The following SERINC3 variants were observed in gnomAD, a reference collection of about 807,000 sequenced individuals.
SERINC3 encodes the protein tumor differentially expressed protein 1.
A neutral mutation model predicts 52.1 loss-of-function variants in SERINC3; 22 were observed. That is an observed-to-expected ratio of 0.42 (90% CI 0.30 to 0.60). SERINC3 has a LOEUF of 0.60. Among genes scored for constraint, SERINC3 ranks in the 20% least tolerant of loss-of-function variants. The probability of loss-of-function intolerance (pLI) is 0.16; values close to 1 mark genes in which losing one functional copy is unlikely to be tolerated. For missense variants in SERINC3, 564 were observed against 584.6 expected, an observed-to-expected ratio of 0.96 and a Z score of 0.36; for synonymous variants, 226 against 212.7, an observed-to-expected ratio of 1.06 and a Z score of -0.54.
At chr20:44,518,116 A>T (rs551489287) in intron 1 of SERINC3, among the ~76,000 whole-genome samples, 20 of 152,172 alleles carry the variant, frequency 1.3e-4, no homozygotes, top group South Asian at 8.3e-4. Flanking sequence ...ATCATCTCTC[A>T]TCTGGATTAA....
chr20:44,508,636 G>T lies in SERINC3; in HGVS notation c.613+1255C>A, dbSNP rs187905521. On this transcript the variant is annotated intron_variant, in intron 5 of 9. Coordinates refer to ENST00000342374, the MANE Select transcript of SERINC3 (RefSeq NM_006811.4). ...GGAATTGTATGGAATGGAATACCAT[G>T]CAGCTTACAGTAAACTCCATGCCAG... Among the ~76,000 whole-genome samples, 6 of 152,336 alleles carry T rather than the reference G, an allele frequency of 3.9e-5. No individual in the cohort carries two copies. The East Asian group carries it at 1.2e-3, about 29-fold the overall frequency.
Position 44,509,889 on chromosome 20 carries a change from AC to A in SERINC3, c.613+1del. 5.6e-6 allele frequency: 9 copies of A among 1,614,074 alleles called. No homozygotes were observed. Among genetic ancestry groups the A allele is most frequent in the Non-Finnish European group, 7.6e-6 (9 of 1,179,938 alleles). On this transcript the variant is annotated splice_donor_variant, in intron 5 of 9. Coordinates refer to ENST00000342374, the MANE Select transcript of SERINC3 (RefSeq NM_006811.4). LOFTEE classifies it high-confidence loss of function. ...CTAACATAGGTGAGTAGAGATACCT[AC>A]CAGCATACCACAACCTTGGGTTTCC...
At chr20:44,511,199 C>T in intron 4 of SERINC3, 90 bp downstream of exon 4, 1 of 916,992 alleles carries the variant, frequency 1.1e-6, no homozygotes, top group Non-Finnish European at 1.7e-6. Flanking sequence ...CAGGTGTGAG[C>T]CACTGCACCC....
chr20:44,511,509 A>C lies in SERINC3; in HGVS notation c.396-141T>G, dbSNP rs1346722283. The C allele has an allele frequency of 4.9e-6, 3 of 609,972 alleles. No individual in the cohort carries two copies. In the African/African-American group the frequency reaches 5.6e-5, roughly 11 times the overall value. The allele number at this position is 609,972 out of a possible 1,614,324, so 37.8% of individuals were successfully genotyped here. A position where few individuals can be genotyped will look rare whatever the true frequency, so the allele number is the denominator to read the frequency against. On this transcript the variant is annotated intron_variant, in intron 3 of 9. Coordinates refer to ENST00000342374, the MANE Select transcript of SERINC3 (RefSeq NM_006811.4). ...TCTGGACTATTTTCTTCATTTGACT[A>C]TTCATTTAATAGGCTAATTCATTTA... is the stretch of plus-strand genomic sequence containing the variant.
rs753296299 is a variant in SERINC3 at position 44,522,001 on chromosome 20, G to A, written c.-50C>T. 3 of 1,558,802 alleles carry A rather than the reference G, an allele frequency of 1.9e-6. No homozygotes were observed. Among genetic ancestry groups the A allele is most frequent in the African/African-American group, 1.4e-5 (1 of 73,724 alleles). ...CGGTCCTGAGGCTGCTTTCTAACAC[G>A]GTGGTAACTGCCAGCTGAGGTGACT... On this transcript the variant is annotated 5_prime_UTR_variant, in exon 1 of 10. Coordinates refer to ENST00000342374, the MANE Select transcript of SERINC3 (RefSeq NM_006811.4).
At chr20:44,512,452 T>C (rs1304200047) in intron 3 of SERINC3, among the ~76,000 whole-genome samples, 1 of 152,202 alleles carries the variant, frequency 6.6e-6, no homozygotes, top group East Asian at 1.9e-4. Flanking sequence ...TGTTTAAATT[T>C]ATCAGGTACA....
At chr20:44,521,713 C>A (rs1164545646) in intron 1 of SERINC3, among the ~76,000 whole-genome samples, 200 bp downstream of exon 1, 1 of 152,230 alleles carries the variant, frequency 6.6e-6, no homozygotes, top group Non-Finnish European at 1.5e-5. Flanking sequence ...TCTTCCGTTC[C>A]CCGAGGAACC....
intron 1 of SERINC3, among the ~76,000 whole-genome samples, chr20:44,520,564 G>T (rs915467411): frequency 6.6e-5 from 10 of 152,096 alleles, no homozygotes; most frequent in African/African-American, 2.2e-4. Context: ...TGGGAACACA[G>T]ACACGAAGAT....
intron 1 of SERINC3, among the ~76,000 whole-genome samples, chr20:44,514,335 A>C (rs1049153657): frequency 2.0e-5 from 3 of 152,208 alleles, no homozygotes; most frequent in Non-Finnish European, 4.4e-5. Context: ...CACTACCTAA[A>C]ATGCATTAAC....
At chr20:44,508,070 T>C (rs1292175374) in intron 5 of SERINC3, among the ~76,000 whole-genome samples, 1 of 152,228 alleles carries the variant, frequency 6.6e-6, no homozygotes, top group Non-Finnish European at 1.5e-5. Context: ...ATTAAGTTAC[T>C]AGCACACTTA....
At chr20:44,503,502 G>C (rs573602269) in intron 8 of SERINC3, among the ~76,000 whole-genome samples, 21 of 152,218 alleles carry the variant, frequency 1.4e-4, no homozygotes, top group African/African-American at 4.6e-4. Flanking sequence ...ACAAAAATTA[G>C]CCAGGCATAG....
At chr20:44,513,783 C>G (rs1432155344) in intron 2 of SERINC3, 96 bp downstream of exon 2, 2 of 1,119,890 alleles carry the variant, frequency 1.8e-6, no homozygotes, top group Admixed American at 6.0e-5. Context: ...CTCCAAATTA[C>G]AACCAACTTG....
rs544687023 is a variant in SERINC3, at chr20:44,504,746, G to A, written c.874+55C>T. 21 of 1,422,748 alleles carry A rather than the reference G, an allele frequency of 1.5e-5. No individual in the cohort carries two copies. In the South Asian group the frequency reaches 2.4e-4, roughly 17 times the overall value. 88.1% of individuals were successfully genotyped at this position (1,422,748 alleles called of 1,614,324 possible). A position where few individuals can be genotyped will look rare whatever the true frequency, so the allele number is the denominator to read the frequency against. On this transcript the variant is annotated intron_variant, in intron 7 of 9. Transcript: ENST00000342374. ...CTAGTTTTTGTACCAACTATGTAAA[G>A]GCTGATTTCCTACTTTCTTTTTATC...
At position 44,502,050 on chromosome 20, in the gene SERINC3, TC is replaced by T. The variant is rs1015022160; in HGVS notation, c.1056-751del. Among the ~76,000 whole-genome samples the T allele has an allele frequency of 2.2e-4, 33 of 151,978 alleles. 1 individual carries two copies. Among genetic ancestry groups the T allele is most frequent in the African/African-American group, 7.5e-4 (31 of 41,356 alleles). On this transcript the variant is annotated intron_variant, in intron 8 of 9. Coordinates refer to ENST00000342374, the MANE Select transcript of SERINC3 (RefSeq NM_006811.4). ...CTTAACAGTGAAAGACTAAAAACTT[TC>T]CCCCTGAGATCAGGAACAAGACAAG...
chr20:44,506,175 C>T (rs1435255984), intron 6 of SERINC3, among the ~76,000 whole-genome samples: 2 of 150,718 alleles, frequency 1.3e-5, no homozygotes, highest in Non-Finnish European at 3.0e-5. Flanking sequence ...GTGGCAGGCG[C>T]CTGGCCAAGG....
At chr20:44,509,756 C>T (rs2064335598) in intron 5 of SERINC3, 135 bp downstream of exon 5, 2 of 980,746 alleles carry the variant, frequency 2.0e-6, no homozygotes, top group South Asian at 3.1e-5. Flanking sequence ...TCTTGAACTC[C>T]TGGATTCAAG....
Position 44,503,816 on chromosome 20 carries a change from T to C in SERINC3, c.1054A>G (p.Ser352Gly). Residue 352 changes from serine (S) to glycine (G), a missense_variant and splice_region_variant, in exon 8 of 10, where the codon AGC becomes GGC. Transcript: ENST00000342374. Reference protein sequence around the residue: ...FVFVLCLLYSSIRTSTNSQVD... With the variant: ...FVFVLCLLYSGIRTSTNSQVD... ...TGTTCTAAGTACCTTTTAACTTACCTAGAATACAAGAGGCAGAGAACAAAG... is the reference window on the plus strand; with the variant it reads ...TGTTCTAAGTACCTTTTAACTTACCCAGAATACAAGAGGCAGAGAACAAAG... 4 of 1,536,274 alleles carry C rather than the reference T, an allele frequency of 2.6e-6. No homozygotes were observed. Among genetic ancestry groups the C allele is most frequent in the Non-Finnish European group, 3.5e-6 (4 of 1,150,912 alleles).
At chr20:44,510,091 A>G in intron 4 of SERINC3, 63 bp from the exon 5 acceptor site, 1 of 1,471,960 alleles carries the variant, frequency 6.8e-7, no homozygotes, top group Non-Finnish European at 9.5e-7. Flanking sequence ...AAGATCCAAC[A>G]TTCTGAACGG....
chr20:44,518,748 T>A (rs542954708), intron 1 of SERINC3, among the ~76,000 whole-genome samples: 1 of 152,086 alleles, frequency 6.6e-6, no homozygotes, highest in African/African-American at 2.4e-5. Context: ...GCAGATCACC[T>A]GAGGTCGGGA....
Sources: allele counts gnomAD v4.1 joint callset (sites outside exome capture counted in the v4.1 genomes callset), GRCh38; gene constraint gnomAD v4.1.1; transcripts MANE v1.5; gene names NCBI Gene and HGNC (gene_info 2026-07-23, HGNC 2026-07-21).